RXFP1: variants seen among roughly 807,000 people sequenced by gnomAD.
RXFP1 encodes the protein relaxin family peptide receptor 1, also known as relaxin receptor 1.
In RXFP1, 73 loss-of-function variants were observed where a neutral mutation model predicts 89.8. The observed-to-expected ratio is 0.81, with a 90% CI of 0.67 to 0.99. RXFP1 has a LOEUF of 0.99. Among genes scored for constraint, RXFP1 ranks in the 50% least tolerant of loss-of-function variants. RXFP1 has a pLI of 0.00. For missense variants in RXFP1, 793 were observed against 895.5 expected (o/e 0.89, Z 1.46); for synonymous variants, 277 against 305.5 (o/e 0.91, Z 0.97).
At chr4:158,567,935 A>G (rs545873420) in intron 1 of RXFP1, among the ~76,000 whole-genome samples, 7 of 152,326 alleles carry the variant, frequency 4.6e-5, no homozygotes, top group East Asian at 1.9e-4. Context: ...GCTCGTTGCA[A>G]TAAATCTTGC....
intron 1 of RXFP1, among the ~76,000 whole-genome samples, chr4:158,538,758 C>T (rs1034776177): frequency 1.3e-5 from 2 of 148,716 alleles, no homozygotes; most frequent in African/African-American, 5.0e-5. Context: ...GAGCTGAGAT[C>T]GCGCCATTGC....
At chr4:158,601,281 G>A (rs1761646117) in intron 4 of RXFP1, among the ~76,000 whole-genome samples, 2 of 152,062 alleles carry the variant, frequency 1.3e-5, no homozygotes, top group South Asian at 4.2e-4. Context: ...CAAGAAAGAA[G>A]GAGTCAGAGA....
At chr4:158,628,836 A>G (rs910325418) in intron 11 of RXFP1, 127 bp downstream of exon 11, 1 of 446,686 alleles carries the variant, frequency 2.2e-6, no homozygotes, top group Non-Finnish European at 4.0e-6. Flanking sequence ...ATTTACATAT[A>G]TACACCTCAA....
chr4:158,614,040 G>T (rs1321696492), intron 8 of RXFP1, among the ~76,000 whole-genome samples: 2 of 152,216 alleles, frequency 1.3e-5, no homozygotes, highest in Non-Finnish European at 2.9e-5. Context: ...CATTGCCAGT[G>T]AGCAGTGTAT....
intron 12 of RXFP1, among the ~76,000 whole-genome samples, chr4:158,634,885 T>G (rs1052390600): frequency 2.0e-5 from 3 of 152,226 alleles, no homozygotes; most frequent in Non-Finnish European, 4.4e-5. Flanking sequence ...ATTCCATTAG[T>G]CTACATGTCT....
rs568756751 is a variant in RXFP1 at position 158,544,322 on chromosome 4, C to T, written c.49+22297C>T. The T allele has an allele frequency of 1.2e-5, 12 of 985,208 alleles. No homozygotes were observed. In the Middle Eastern group the frequency reaches 1.6e-3, roughly 129 times the overall value. The allele number at this position is 985,208 out of a possible 1,614,324, so 61.0% of individuals were successfully genotyped here. On this transcript the variant is annotated intron_variant, in intron 1 of 17. Coordinates refer to ENST00000307765, the MANE Select transcript of RXFP1 (RefSeq NM_021634.4). ...CCCTGAGCAACAAAAACATAAAACA[C>T]TCTGATGAGACAGCATCTCATCCTT...
intron 8 of RXFP1, among the ~76,000 whole-genome samples, 154 bp from the exon 9 acceptor site, chr4:158,616,977 T>G (rs1764706526): frequency 6.9e-6 from 1 of 144,024 alleles, no homozygotes; most frequent in Non-Finnish European, 1.5e-5. Flanking sequence ...CCAGCCTGAG[T>G]GCCTCCATCT....
At chr4:158,622,671 C>T (rs1284052305) in intron 9 of RXFP1, among the ~76,000 whole-genome samples, 1 of 152,078 alleles carries the variant, frequency 6.6e-6, no homozygotes, top group Non-Finnish European at 1.5e-5. Context: ...TTAAGTTGAA[C>T]ACATAGAAAC....
At chr4:158,590,774 C>T (rs1759292781) in intron 2 of RXFP1, among the ~76,000 whole-genome samples, 1 of 152,072 alleles carries the variant, frequency 6.6e-6, no homozygotes. Context: ...ATCTGTAACC[C>T]CTTCTGGAAG....
intron 17 of RXFP1, among the ~76,000 whole-genome samples, chr4:158,650,432 A>AATATATATATATATATATATATAT (rs149845150): frequency 4.1e-5 from 6 of 145,474 alleles, no homozygotes; most frequent in African/African-American, 1.5e-4. Flanking sequence ...AATATATATA[A>AATATATATATATATATATATATAT]ATATATATAT....
intron 1 of RXFP1, among the ~76,000 whole-genome samples, chr4:158,559,198 T>C (rs577292360): frequency 7.2e-5 from 11 of 152,304 alleles, no homozygotes; most frequent in African/African-American, 2.6e-4. Context: ...CCCAGCACTT[T>C]GGGAGAACAA....
intron 12 of RXFP1, among the ~76,000 whole-genome samples, chr4:158,634,194 G>GT (rs1368074821): frequency 6.6e-6 from 1 of 151,962 alleles, no homozygotes; most frequent in East Asian, 1.9e-4. Flanking sequence ...GGTATTTTCT[G>GT]TTTTTTTGAT....
chr4:158,544,455 T>A lies in RXFP1; in HGVS notation c.49+22430T>A, dbSNP rs150787334. 1.4e-3 allele frequency: 938 copies of A among 663,494 alleles called. 10 individuals carry two copies. In the African/African-American group the frequency reaches 0.017, roughly 12 times the overall value. 41.1% of individuals were successfully genotyped at this position (663,494 alleles called of 1,614,324 possible). ...CTTCATCTTTTTTTTTTTAATTTTA[T>A]TTTATTATTATACTTTAAGTTTTAG... On this transcript the variant is annotated intron_variant, in intron 1 of 17. Transcript: ENST00000307765.
intron 1 of RXFP1, among the ~76,000 whole-genome samples, chr4:158,524,449 T>C (rs993764446): frequency 6.6e-6 from 1 of 152,178 alleles, no homozygotes; most frequent in South Asian, 2.1e-4. Context: ...AGGGATAGGA[T>C]GGAGAAGACG....
At chr4:158,521,867 G>C, upstream of RXFP1, 1 of 645,700 alleles carries the variant, frequency 1.5e-6, no homozygotes. Context: ...CTTTGTAACT[G>C]CTAAGATTGC....
intron 1 of RXFP1, among the ~76,000 whole-genome samples, chr4:158,542,109 A>ATATATACATATTTT: frequency 2.0e-4 from 7 of 35,254 alleles, no homozygotes; most frequent in African/African-American, 6.5e-4. Flanking sequence ...ATATATATAT[A>ATATATACATATTTT]TTTTTTTTTT....
chr4:158,620,476 G>A (rs1365358254), intron 9 of RXFP1, among the ~76,000 whole-genome samples: 1 of 151,992 alleles, frequency 6.6e-6, no homozygotes, highest in Non-Finnish European at 1.5e-5. Context: ...AAAAATCCAT[G>A]CAGAAGTCAA....
At chr4:158,630,205 A>G (rs2150199088) in intron 11 of RXFP1, among the ~76,000 whole-genome samples, 1 of 152,294 alleles carries the variant, frequency 6.6e-6, no homozygotes, top group South Asian at 2.1e-4. Flanking sequence ...AGCCATTAAA[A>G]ACCCAACATT....
intron 1 of RXFP1, among the ~76,000 whole-genome samples, chr4:158,541,350 G>GCACGCACACACACA (rs1553993587): frequency 2.9e-5 from 4 of 139,794 alleles, no homozygotes; most frequent in Non-Finnish European, 1.5e-5. Context: ...AGAGCTTCAT[G>GCACGCACACACACA]CACACACACA....
Sources: allele counts gnomAD v4.1 joint callset (sites outside exome capture counted in the v4.1 genomes callset), GRCh38; gene constraint gnomAD v4.1.1; transcripts MANE v1.5; gene names NCBI Gene and HGNC (gene_info 2026-07-23, HGNC 2026-07-21).